CCDC180: variants seen among roughly 807,000 people sequenced by gnomAD.
CCDC180 encodes coiled-coil domain-containing protein 180.
In CCDC180, 154 loss-of-function variants were observed where a neutral mutation model predicts 209.2. The observed-to-expected ratio is 0.74, with a 90% CI of 0.65 to 0.84. The LOEUF (loss-of-function observed/expected upper bound fraction) is 0.84, where lower values mean the gene tolerates loss of function less well. Ranked by LOEUF, CCDC180 falls within the 40% of genes least tolerant of loss-of-function variation. The pLI is 0.00. For missense variants in CCDC180, 1,874 were observed against 1,997.3 expected (o/e 0.94, Z 1.18); for synonymous variants, 778 against 749.1 (o/e 1.04, Z -0.63).
intron 28 of CCDC180, 83 bp downstream of exon 28, chr9:97,362,524 G>A (rs1826794516): frequency 6.5e-7 from 1 of 1,543,636 alleles, no homozygotes; most frequent in South Asian, 1.3e-5. Flanking sequence ...GCTTTCCCAG[G>A]CTTTTCCTCA....
chr9:97,312,021 C>G (rs1452814676), intron 3 of CCDC180, 92 bp from the exon 4 acceptor site: 1 of 1,077,386 alleles, frequency 9.3e-7, no homozygotes, highest in East Asian at 2.4e-5. Flanking sequence ...CACAGTCCCT[C>G]TGGAGAACCA....
rs1458436013 is a variant in CCDC180, at chr9:97,354,922, A to G, written c.3178A>G (p.Lys1060Glu). 6.2e-7 allele frequency: 1 copy of G among 1,614,172 alleles called. No individual in the cohort carries two copies. The highest frequency in any genetic ancestry group is 1.7e-5 in the Admixed American group (1 of 60,038). The change falls in exon 24 of 37, where the codon AAA (lysine) becomes GAA (glutamate). Residue 1060 changes from lysine to glutamate, a missense_variant. Coordinates refer to ENST00000529487, the MANE Select transcript of CCDC180 (RefSeq NM_020893.6). Reference sequence around the variant, plus strand: ...TGATGTCATCAACAAGTTTGAAAGCAAATTCCATAACCTGTCTGTGGACCT... The same window carrying G: ...TGATGTCATCAACAAGTTTGAAAGCGAATTCCATAACCTGTCTGTGGACCT... ...ANDVINKFES[K>E]FHNLSVDLIF...
chr9:97,350,680 A>G (rs1248472832), intron 22 of CCDC180, 125 bp downstream of exon 22: 1 of 1,023,732 alleles, frequency 9.8e-7, no homozygotes, highest in African/African-American at 1.6e-5. Flanking sequence ...CATCTTAACC[A>G]TTTTTAGGTG....
chr9:97,370,364 G>A (rs956008162), intron 32 of CCDC180, among the ~76,000 whole-genome samples: 7 of 152,166 alleles, frequency 4.6e-5, no homozygotes, highest in Admixed American at 4.6e-4. Context: ...GTCCACACTG[G>A]TCCTTGGAGC....
chr9:97,314,284 C>A, intron 5 of CCDC180, 109 bp from the exon 6 acceptor site: 1 of 1,349,576 alleles, frequency 7.4e-7, no homozygotes, highest in Non-Finnish European at 1.0e-6. Context: ...AGGCAATGAT[C>A]ATCATTTTTG....
At chr9:97,311,089 G>C (rs1291225588) in intron 3 of CCDC180, among the ~76,000 whole-genome samples, 2 of 152,196 alleles carry the variant, frequency 1.3e-5, no homozygotes, top group Non-Finnish European at 2.9e-5. Flanking sequence ...GCCAGCTAAG[G>C]CCAGTCCACC....
intron 29 of CCDC180, chr9:97,364,766 C>T (rs1564175026): frequency 6.6e-6 from 1 of 152,668 alleles, no homozygotes; most frequent in Non-Finnish European, 1.5e-5. Flanking sequence ...CGCTCCTGCA[C>T]CCTGAATACT....
At chr9:97,323,020 G>A in intron 12 of CCDC180, 99 bp downstream of exon 12, 1 of 860,916 alleles carries the variant, frequency 1.2e-6, no homozygotes. Flanking sequence ...CCCCAGCTAT[G>A]TCCCCACTTC....
At chr9:97,363,476 G>A (rs538293322) in intron 28 of CCDC180, 75 of 395,942 alleles carry the variant, frequency 1.9e-4, no homozygotes, top group Non-Finnish European at 3.8e-4. Flanking sequence ...ATCCAGCCAT[G>A]ACCTGTTTAC....
At chr9:97,374,513 T>A (rs1368695605) in intron 34 of CCDC180, 30 bp from the exon 35 acceptor site, 1 of 1,550,608 alleles carries the variant, frequency 6.4e-7, no homozygotes, top group Admixed American at 1.7e-5. Context: ...TCGGTGAGGC[T>A]GCAGTCACTA....
chr9:97,348,120 G>A (rs1413299460), intron 20 of CCDC180, among the ~76,000 whole-genome samples: 1 of 1,216 alleles, frequency 8.2e-4, no homozygotes, highest in Non-Finnish European at 1.1e-3. Context: ...AATGCGGGGC[G>A]GGGGGGGGGC....
rs974352955 is a variant in CCDC180, at chr9:97,309,701, A to G, written c.260+97A>G. 14 of 1,044,632 alleles carry G rather than the reference A, an allele frequency of 1.3e-5. No individual in the cohort carries two copies. The African/African-American group carries it at 2.3e-4, about 17-fold the overall frequency. 64.7% of individuals were successfully genotyped at this position (1,044,632 alleles called of 1,614,324 possible). ...AGCACAAGATGAGTAGCCTGTAGGAATGAAGTCTCAAGTACCACCCCTAAA... is the reference window on the plus strand; with the variant it reads ...AGCACAAGATGAGTAGCCTGTAGGAGTGAAGTCTCAAGTACCACCCCTAAA... On this transcript the variant is annotated intron_variant, in intron 3 of 36. Transcript: ENST00000529487.
chr9:97,330,089 A>AAAAAAT, intron 16 of CCDC180, 65 bp from the exon 17 acceptor site: 1 of 945,320 alleles, frequency 1.1e-6, no homozygotes, highest in Non-Finnish European at 1.6e-6. Context: ...AAAAAAAAAA[A>AAAAAAT]GGTGGGGGGC....
In CCDC180 at chr9:97,317,075, A is replaced by G. The variant is rs762205664; in HGVS notation, c.806A>G (p.Tyr269Cys). 52 of 1,611,940 alleles carry G rather than the reference A, an allele frequency of 3.2e-5. No individual in the cohort carries two copies. The highest frequency in any genetic ancestry group is 1.6e-4 in the Middle Eastern group (1 of 6,082). ...LINEEAMVMNYALLGNRKALA... is the reference protein window; with the variant it reads ...LINEEAMVMNCALLGNRKALA... ...CATCTGTGACCACAGGTCATGAACT[A>G]TGCCCTGCTGGGCAACCGGAAGGCT... is the stretch of plus-strand genomic sequence containing the variant. Residue 269 changes from tyrosine to cysteine, a missense_variant, in exon 9 of 37, where the codon TAT becomes TGT. Tyr to Cys is a radical substitution (Grantham distance 194). Transcript: ENST00000529487.
chr9:97,311,274 G>T (rs1832979364), intron 3 of CCDC180, among the ~76,000 whole-genome samples: 1 of 152,204 alleles, frequency 6.6e-6, no homozygotes, highest in Non-Finnish European at 1.5e-5. Flanking sequence ...TGGTCCAGGG[G>T]CATTTAGAAT....
chr9:97,319,186 A>G lies in CCDC180; in HGVS notation c.1079+604A>G, dbSNP rs150358337. ...GCACATTAGGAAAAATAGCTAATGC[A>G]TGCTGGGCTTAATACCTAGGTGATG... On this transcript the variant is annotated intron_variant, in intron 10 of 36. Transcript: ENST00000529487. 1.8e-3 allele frequency among the ~76,000 whole-genome samples: 272 copies of G among 152,304 alleles called. 1 individual carries two copies. The highest frequency in any genetic ancestry group is 5.6e-3 in the African/African-American group (232 of 41,546).
chr9:97,355,099 C>G lies in CCDC180; in HGVS notation c.3264+91C>G, dbSNP rs140941585. 1.4e-4 allele frequency: 114 copies of G among 806,734 alleles called. No homozygotes were observed. The African/African-American group carries it at 1.8e-3, about 13-fold the overall frequency. The allele number at this position is 806,734 out of a possible 1,614,324, so 50.0% of individuals were successfully genotyped here. A position where few individuals can be genotyped will look rare whatever the true frequency, so the allele number is the denominator to read the frequency against. On this transcript the variant is annotated intron_variant, in intron 24 of 36. Coordinates refer to ENST00000529487, the MANE Select transcript of CCDC180 (RefSeq NM_020893.6). ...CGGTGCTAGGAGGCCATTGTGGTCT[C>G]TGTCCCGTGTGTGGGACTTGCTCTC...
chr9:97,351,362 C>T (rs1587821002), intron 22 of CCDC180, among the ~76,000 whole-genome samples: 2 of 152,206 alleles, frequency 1.3e-5, no homozygotes, highest in African/African-American at 2.4e-5. Context: ...TGTTAATGGG[C>T]GTGAGGTGTT....
At chr9:97,325,828 T>TG (rs1220222387) in intron 14 of CCDC180, among the ~76,000 whole-genome samples, 14 of 152,330 alleles carry the variant, frequency 9.2e-5, no homozygotes, top group African/African-American at 2.9e-4. Flanking sequence ...AAGAAGCCAC[T>TG]GACAGAGTGA....
Sources: allele counts gnomAD v4.1 joint callset (sites outside exome capture counted in the v4.1 genomes callset), GRCh38; gene constraint gnomAD v4.1.1; transcripts MANE v1.5; gene names NCBI Gene and HGNC (gene_info 2026-07-23, HGNC 2026-07-21).